Variants in GRIA1 observed in about 807,000 individuals in gnomAD.
The protein encoded by GRIA1 is glutamate receptor 1.
Under a neutral mutation model 99.2 loss-of-function variants are expected in GRIA1, and 31 were observed. That is an observed-to-expected ratio of 0.31 (90% CI 0.23 to 0.42). The LOEUF (loss-of-function observed/expected upper bound fraction) is 0.42. Ranked by LOEUF, GRIA1 falls within the 10% of genes least tolerant of loss-of-function variation. GRIA1 has a pLI of 1.00. For synonymous variants in GRIA1, 438 were observed against 432.4 expected, an observed-to-expected ratio of 1.01 and a Z score of -0.16; for missense variants, 782 against 1,157.5, an observed-to-expected ratio of 0.68 and a Z score of 4.71.
intron 2 of GRIA1, among the ~76,000 whole-genome samples, chr5:153,607,610 T>C (rs915657436): frequency 1.3e-5 from 2 of 152,078 alleles, no homozygotes; most frequent in African/African-American, 4.8e-5. Context: ...ACTGTTCTTC[T>C]AGTGCTTACA....
chr5:153,539,652 C>T (rs751070808), intron 2 of GRIA1, among the ~76,000 whole-genome samples: 14 of 152,146 alleles, frequency 9.2e-5, no homozygotes, highest in Non-Finnish European at 1.0e-4. Flanking sequence ...ATGTTGCTCA[C>T]GGGCAAGCTG....
chr5:153,575,658 C>T (rs540175134), intron 2 of GRIA1, among the ~76,000 whole-genome samples: 1 of 152,322 alleles, frequency 6.6e-6, no homozygotes, highest in East Asian at 1.9e-4. Context: ...CACAGCTAGA[C>T]TAGAACTCCA....
At chr5:153,504,035 T>A (rs1755254201) in intron 2 of GRIA1, among the ~76,000 whole-genome samples, 1 of 152,200 alleles carries the variant, frequency 6.6e-6, no homozygotes, top group Non-Finnish European at 1.5e-5. Flanking sequence ...TCTTTTCTCA[T>A]CAGTTCCACA....
intron 11 of GRIA1, among the ~76,000 whole-genome samples, chr5:153,754,199 C>G (rs1561832205): frequency 2.0e-5 from 3 of 152,124 alleles, no homozygotes; most frequent in Non-Finnish European, 4.4e-5. Flanking sequence ...ATGTAACTTT[C>G]CTGGATAGAG....
rs369483715 is a variant in GRIA1, at chr5:153,655,381, G to GT, written c.646-433dup. Among the ~76,000 whole-genome samples the GT allele has an allele frequency of 6.1e-3, 932 of 152,296 alleles. 8 individuals are homozygous for GT. The highest frequency in any genetic ancestry group is 0.024 in the Middle Eastern group (7 of 294). The stretch of plus-strand genomic sequence containing the variant: ...CCACCATCCATCTATTAACTCATCT[G>GT]TTTTTCCAATCAGCGAATATTGTCA... On this transcript the variant is annotated intron_variant, in intron 4 of 15. Coordinates refer to ENST00000285900, the MANE Select transcript of GRIA1 (RefSeq NM_000827.4).
intron 12 of GRIA1, among the ~76,000 whole-genome samples, chr5:153,768,201 G>T (rs976873908): frequency 1.2e-4 from 18 of 152,128 alleles, no homozygotes; most frequent in African/African-American, 4.3e-4. Context: ...TTAGTTCTGG[G>T]TATTTCCTCC....
intron 14 of GRIA1, among the ~76,000 whole-genome samples, chr5:153,801,637 CA>C (rs1766031955): frequency 6.6e-6 from 1 of 152,154 alleles, no homozygotes; most frequent in Non-Finnish European, 1.5e-5. Context: ...GTGTTTTTAG[CA>C]AGCACCTCCA....
At chr5:153,734,062 T>A (rs1200715738) in intron 11 of GRIA1, among the ~76,000 whole-genome samples, 1 of 152,208 alleles carries the variant, frequency 6.6e-6, no homozygotes, top group Non-Finnish European at 1.5e-5. Flanking sequence ...TGCACATTCT[T>A]CTCAAGCACA....
intron 13 of GRIA1, among the ~76,000 whole-genome samples, chr5:153,792,525 T>C (rs1696118428): frequency 6.6e-6 from 1 of 152,212 alleles, no homozygotes; most frequent in African/African-American, 2.4e-5. Flanking sequence ...TTTGAGTCTT[T>C]CTACATACAT....
rs189208153 is a variant in GRIA1, at chr5:153,704,537, G to T, written c.1453-1160G>T. Among the ~76,000 whole-genome samples the T allele has an allele frequency of 3.8e-3, 586 of 152,262 alleles. 4 individuals are homozygous for T. The highest frequency in any genetic ancestry group is 0.013 in the African/African-American group (553 of 41,538). Reference sequence around the variant, plus strand: ...TGAATATTTCTTGCAACCTTTTTATGTTTATCTGCATGCTGGATTTGAAAT... The same window carrying T: ...TGAATATTTCTTGCAACCTTTTTATTTTTATCTGCATGCTGGATTTGAAAT... On this transcript the variant is annotated intron_variant, in intron 10 of 15. Coordinates refer to ENST00000285900, the MANE Select transcript of GRIA1 (RefSeq NM_000827.4).
At chr5:153,771,999 G>A (rs1157288389) in intron 13 of GRIA1, among the ~76,000 whole-genome samples, 4 of 152,160 alleles carry the variant, frequency 2.6e-5, no homozygotes, top group Admixed American at 1.3e-4. Context: ...AATTGAGTCT[G>A]CTGTGAGTTC....
At chr5:153,734,369 C>T (rs916586698) in intron 11 of GRIA1, among the ~76,000 whole-genome samples, 9 of 152,114 alleles carry the variant, frequency 5.9e-5, no homozygotes, top group Non-Finnish European at 1.3e-4. Context: ...TTTGGAACTA[C>T]TGAATAAAAA....
intron 11 of GRIA1, among the ~76,000 whole-genome samples, chr5:153,716,373 T>G (rs1759668584): frequency 6.6e-6 from 1 of 152,204 alleles, no homozygotes; most frequent in African/African-American, 2.4e-5. Context: ...CTTCTGAAGG[T>G]CCCTTAGGGC....
intron 10 of GRIA1, among the ~76,000 whole-genome samples, chr5:153,702,379 GC>G (rs1439432630): frequency 3.3e-5 from 5 of 152,182 alleles, no homozygotes; most frequent in African/African-American, 1.2e-4. Context: ...CAACTTGCTG[GC>G]CCCGACTTTT....
intron 15 of GRIA1, among the ~76,000 whole-genome samples, chr5:153,806,412 C>T (rs1270266488): frequency 1.3e-5 from 2 of 152,072 alleles, no homozygotes; most frequent in Non-Finnish European, 2.9e-5. Context: ...ACTACAGTCA[C>T]GTGCCACTAC....
chr5:153,773,294 C>T (rs192156599), intron 13 of GRIA1, among the ~76,000 whole-genome samples: 87 of 152,346 alleles, frequency 5.7e-4, no homozygotes, highest in African/African-American at 2.0e-3. Context: ...GGCAGTCTGA[C>T]TTCAGAGCCT....
intron 2 of GRIA1, among the ~76,000 whole-genome samples, chr5:153,635,023 G>A (rs527460521): frequency 1.3e-5 from 2 of 152,220 alleles, no homozygotes; most frequent in East Asian, 3.9e-4. Context: ...CTGATTTAGG[G>A]CACCCTCGGG....
At chr5:153,759,416 G>C (rs1022563659) in intron 11 of GRIA1, among the ~76,000 whole-genome samples, 4 of 151,822 alleles carry the variant, frequency 2.6e-5, no homozygotes, top group African/African-American at 9.7e-5. Flanking sequence ...GATCATAAGA[G>C]ACTGTTGTGA....
At chr5:153,727,072 C>T (rs1382058122) in intron 11 of GRIA1, among the ~76,000 whole-genome samples, 1 of 152,070 alleles carries the variant, frequency 6.6e-6, no homozygotes, top group Non-Finnish European at 1.5e-5. Flanking sequence ...GGATGCAAGG[C>T]TGGTTCAATA....
Sources: allele counts gnomAD v4.1 joint callset (sites outside exome capture counted in the v4.1 genomes callset), GRCh38; gene constraint gnomAD v4.1.1; transcripts MANE v1.5; gene names NCBI Gene and HGNC (gene_info 2026-07-23, HGNC 2026-07-21).